The following MLLT10 variants were observed in gnomAD, a reference collection of about 807,000 sequenced individuals.
The protein encoded by MLLT10 is protein AF-10.
MLLT10 carries 30 observed loss-of-function variants against 129.1 expected under a neutral mutation model. The ratio of observed to expected loss-of-function variants is 0.23; its 90% CI spans 0.17 to 0.32. The LOEUF is 0.32. Among genes scored for constraint, MLLT10 ranks in the 10% least tolerant of loss-of-function variants. The probability of loss-of-function intolerance (pLI) is 1.00; values close to 1 mark genes in which losing one functional copy is unlikely to be tolerated. For missense variants in MLLT10, 1,119 were observed against 1,268.3 expected (o/e 0.88, Z 1.79); for synonymous variants, 490 against 446.4 (o/e 1.10, Z -1.23).
At chr10:21,621,161 T>A (rs1564523064) in intron 8 of MLLT10, among the ~76,000 whole-genome samples, 2 of 140,602 alleles carry the variant, frequency 1.4e-5, no homozygotes, top group East Asian at 2.1e-4. Flanking sequence ...TTTTTTGTAT[T>A]TTTTTTTTTT....
intron 3 of MLLT10, among the ~76,000 whole-genome samples, chr10:21,580,483 G>A (rs142383888): frequency 0.014 from 2,155 of 151,500 alleles, 34 homozygotes; most frequent in South Asian, 0.045. Flanking sequence ...CTGTCTCCTG[G>A]ATTCACGCCA....
At chr10:21,665,214 G>A (rs1354605652) in intron 9 of MLLT10, among the ~76,000 whole-genome samples, 11 of 151,122 alleles carry the variant, frequency 7.3e-5, no homozygotes, top group Admixed American at 6.6e-4. Context: ...TTAAAGTGTT[G>A]GGATTACAGG....
intron 11 of MLLT10, among the ~76,000 whole-genome samples, chr10:21,681,109 C>G (rs1324509671): frequency 2.6e-5 from 4 of 152,180 alleles, no homozygotes; most frequent in South Asian, 2.1e-4. Flanking sequence ...AACACAGATA[C>G]ATTCCACACA....
intron 21 of MLLT10, among the ~76,000 whole-genome samples, chr10:21,737,504 A>AAGGC (rs2058470980): frequency 1.3e-5 from 2 of 152,304 alleles, no homozygotes; most frequent in African/African-American, 4.8e-5. Context: ...CTGCCCCAGC[A>AAGGC]AGGCAGGCAG....
intron 8 of MLLT10, among the ~76,000 whole-genome samples, chr10:21,633,457 C>T (rs922489509): frequency 6.6e-6 from 1 of 152,204 alleles, no homozygotes; most frequent in South Asian, 2.1e-4. Flanking sequence ...GTAATCCCAG[C>T]TCTTTGGGAG....
intron 16 of MLLT10, 148 bp from the exon 17 acceptor site, chr10:21,730,752 T>C: frequency 1.4e-6 from 1 of 702,514 alleles, no homozygotes; most frequent in Non-Finnish European, 2.4e-6. Flanking sequence ...AGATTATGGT[T>C]TTCTAAATCC....
upstream of MLLT10, among the ~76,000 whole-genome samples, chr10:21,533,877 G>A (rs552817746): frequency 6.5e-4 from 99 of 152,310 alleles, no homozygotes; most frequent in African/African-American, 2.4e-3. Context: ...TGCCCCCGGG[G>A]ACTCCCCTCT....
intron 10 of MLLT10, among the ~76,000 whole-genome samples, chr10:21,672,091 G>A (rs1266720670): frequency 1.3e-5 from 2 of 151,740 alleles, no homozygotes; most frequent in Admixed American, 6.6e-5. Context: ...CAGTAAATAA[G>A]TTGTTGATTA....
At chr10:21,570,679 T>C (rs2040106223) in intron 3 of MLLT10, among the ~76,000 whole-genome samples, 1 of 152,060 alleles carries the variant, frequency 6.6e-6, no homozygotes, top group African/African-American at 2.4e-5. Flanking sequence ...TAATTTTCAA[T>C]TTAGAAGTTC....
At chr10:21,591,180 C>G (rs900037441) in intron 4 of MLLT10, among the ~76,000 whole-genome samples, 1 of 152,140 alleles carries the variant, frequency 6.6e-6, no homozygotes, top group Non-Finnish European at 1.5e-5. Context: ...ACCTTAGCCC[C>G]TGAGTGGCTG....
At chr10:21,543,581 C>T (rs1438313401) in intron 3 of MLLT10, among the ~76,000 whole-genome samples, 3 of 151,776 alleles carry the variant, frequency 2.0e-5, no homozygotes, top group African/African-American at 4.8e-5. Context: ...CGGGTTCAAG[C>T]GATTCTCCTG....
At chr10:21,691,085 G>GTGCT (rs924003665) in intron 13 of MLLT10, among the ~76,000 whole-genome samples, 4 of 152,154 alleles carry the variant, frequency 2.6e-5, no homozygotes, top group African/African-American at 9.7e-5. Context: ...TAATTGGAAA[G>GTGCT]TGCTTGCTTA....
intron 8 of MLLT10, among the ~76,000 whole-genome samples, chr10:21,641,821 C>CA (rs2048033313): frequency 6.6e-6 from 1 of 152,194 alleles, no homozygotes; most frequent in Non-Finnish European, 1.5e-5. Context: ...GTGGCTGAAG[C>CA]AATTGGAAAT....
intron 10 of MLLT10, among the ~76,000 whole-genome samples, chr10:21,672,803 C>G (rs1372716562): frequency 6.6e-6 from 1 of 152,156 alleles, no homozygotes; most frequent in Non-Finnish European, 1.5e-5. Context: ...CAATAACAAT[C>G]ACTAGTATGT....
At chr10:21,727,321 T>C (rs2057593119) in intron 15 of MLLT10, among the ~76,000 whole-genome samples, 1 of 152,240 alleles carries the variant, frequency 6.6e-6, no homozygotes, top group Non-Finnish European at 1.5e-5. Context: ...GTATTCCTAC[T>C]TGTTTTTGTC....
At chr10:21,717,614 C>CT in intron 14 of MLLT10, among the ~76,000 whole-genome samples, 1 of 124,420 alleles carries the variant, frequency 8.0e-6, no homozygotes, top group African/African-American at 3.0e-5. Context: ...CCTCTTCTTC[C>CT]TCCTCTTCCT....
intron 8 of MLLT10, among the ~76,000 whole-genome samples, chr10:21,647,195 A>G (rs748262013): frequency 6.6e-6 from 1 of 152,114 alleles, no homozygotes; most frequent in Non-Finnish European, 1.5e-5. Context: ...TGCTTGCATA[A>G]TGATTTTTTT....
chr10:21,651,473 A>C (rs1242907915), intron 8 of MLLT10, among the ~76,000 whole-genome samples, 200 bp from the exon 9 acceptor site: 2 of 152,212 alleles, frequency 1.3e-5, no homozygotes, highest in Non-Finnish European at 2.9e-5. Context: ...TAGGCTTATC[A>C]AGAATAAAAA....
intron 3 of MLLT10, among the ~76,000 whole-genome samples, chr10:21,553,917 T>C (rs1325478557): frequency 6.6e-6 from 1 of 152,196 alleles, no homozygotes; most frequent in East Asian, 1.9e-4. Context: ...CCCAAAATGT[T>C]GGGATTACAG....
Sources: allele counts gnomAD v4.1 joint callset (sites outside exome capture counted in the v4.1 genomes callset), GRCh38; gene constraint gnomAD v4.1.1; transcripts MANE v1.5; gene names NCBI Gene and HGNC (gene_info 2026-07-23, HGNC 2026-07-21).